The following CREB3L2 variants were observed in gnomAD, a reference collection of about 807,000 sequenced individuals.
CREB3L2 encodes the protein cyclic AMP-responsive element-binding protein 3-like protein 2.
In CREB3L2, 23 loss-of-function variants were observed where a neutral mutation model predicts 57.2. That is an observed-to-expected ratio of 0.40 (90% CI 0.29 to 0.57). CREB3L2 has a LOEUF of 0.57. Among genes scored for constraint, CREB3L2 ranks in the 20% least tolerant of loss-of-function variants. The pLI is 0.42. For synonymous variants in CREB3L2, 268 were observed against 265.1 expected, an observed-to-expected ratio of 1.01 and a Z score of -0.11; for missense variants, 628 against 634.7, an observed-to-expected ratio of 0.99 and a Z score of 0.11.
At chr7:137,894,291 C>T (rs902792529) in intron 8 of CREB3L2, among the ~76,000 whole-genome samples, 1 of 152,206 alleles carries the variant, frequency 6.6e-6, no homozygotes, top group Non-Finnish European at 1.5e-5. Flanking sequence ...CCGGATCTGT[C>T]CTGGCACCTG....
At chr7:137,968,793 A>G (rs1801452322) in intron 1 of CREB3L2, among the ~76,000 whole-genome samples, 1 of 152,178 alleles carries the variant, frequency 6.6e-6, no homozygotes, top group Admixed American at 6.5e-5. Flanking sequence ...ATCCCAACTC[A>G]TAAATGAATC....
intron 1 of CREB3L2, among the ~76,000 whole-genome samples, chr7:137,982,207 A>G (rs140756992): frequency 1.3e-5 from 2 of 152,332 alleles, no homozygotes; most frequent in East Asian, 3.9e-4. Context: ...ACAATGCCCT[A>G]AAGAGCATTT....
In CREB3L2 at chr7:138,001,707, G is replaced by T; in HGVS notation, c.-2C>A. Reference sequence around the variant, plus strand: ...CTCCCCGCTCTCCAGCACCTCCATGGCGGTGCGGGCCGCGCTGGGCCGAGG... The same window carrying T: ...CTCCCCGCTCTCCAGCACCTCCATGTCGGTGCGGGCCGCGCTGGGCCGAGG... On this transcript the variant is annotated 5_prime_UTR_variant, in exon 1 of 12. Transcript: ENST00000330387. The surrounding 1 kb of genome is among the most constrained non-coding windows in gnomAD (Gnocchi z 4.2). 3 of 1,606,912 alleles carry T rather than the reference G, an allele frequency of 1.9e-6. No homozygotes were observed. The highest frequency in any genetic ancestry group is 2.5e-6 in the Non-Finnish European group (3 of 1,178,060).
intron 2 of CREB3L2, among the ~76,000 whole-genome samples, chr7:137,927,467 AAAG>A (rs1800499375): frequency 1.3e-5 from 2 of 151,988 alleles, no homozygotes; most frequent in South Asian, 4.2e-4. Context: ...GAGAAAAAGA[AAAG>A]AAGAAAAGAA....
rs1320425749 is a variant in CREB3L2 at position 137,877,609 on chromosome 7, A to G, written c.*2867T>C. 4.4e-6 allele frequency: 1 copy of G among 226,178 alleles called. No homozygotes were observed. Among genetic ancestry groups the G allele is most frequent in the African/African-American group, 2.2e-5 (1 of 44,944 alleles). 14.0% of individuals were successfully genotyped at this position (226,178 alleles called of 1,614,324 possible). ...ATCTCCTTCACTGGTGCAATCTAAG[A>G]AAGGGAAATGGGAAACTTGTTTACA... On this transcript the variant is annotated 3_prime_UTR_variant, in exon 12 of 12. Coordinates refer to ENST00000330387, the MANE Select transcript of CREB3L2 (RefSeq NM_194071.4).
chr7:137,946,492 C>T (rs1585649203), intron 1 of CREB3L2, among the ~76,000 whole-genome samples: 1 of 151,318 alleles, frequency 6.6e-6, no homozygotes, highest in East Asian at 1.9e-4. Flanking sequence ...GGACCTTGAG[C>T]CTCAAATGAG....
Position 137,901,887 on chromosome 7 carries a change from A to AAAAAAG in CREB3L2, c.975-471_975-466dup, listed in dbSNP as rs1554495248. 8.1e-5 allele frequency among the ~76,000 whole-genome samples: 12 copies of AAAAAAG among 148,938 alleles called. 1 individual carries two copies. The East Asian group carries it at 1.2e-3, about 15-fold the overall frequency. On this transcript the variant is annotated intron_variant, in intron 7 of 11. Coordinates refer to ENST00000330387, the MANE Select transcript of CREB3L2 (RefSeq NM_194071.4). The stretch of plus-strand genomic sequence containing the variant: ...CAAGATCTGTCTCAAAAAAAAAAAA[A>AAAAAAG]AAAAAGAAAAATAGAAGGAGCTGGG...
chr7:137,896,753 G>A (rs1585601193), intron 8 of CREB3L2, among the ~76,000 whole-genome samples: 2 of 152,192 alleles, frequency 1.3e-5, no homozygotes, highest in African/African-American at 4.8e-5. Context: ...AAGACACACA[G>A]AGCCACTGCG....
chr7:137,968,409 G>A (rs1488741511), intron 1 of CREB3L2, among the ~76,000 whole-genome samples: 3 of 150,554 alleles, frequency 2.0e-5, no homozygotes, highest in Non-Finnish European at 3.0e-5. Flanking sequence ...CCCTCCCTTT[G>A]TCCATGTGTT....
chr7:137,978,777 G>A (rs1226832274), intron 1 of CREB3L2, among the ~76,000 whole-genome samples: 1 of 152,194 alleles, frequency 6.6e-6, no homozygotes, highest in Non-Finnish European at 1.5e-5. Context: ...CACAAAGTTT[G>A]TGTTCTTCCA....
At chr7:137,968,815 C>T (rs1801452542) in intron 1 of CREB3L2, among the ~76,000 whole-genome samples, 1 of 152,164 alleles carries the variant, frequency 6.6e-6, no homozygotes, top group Non-Finnish European at 1.5e-5. Context: ...AATTTGGTGG[C>T]TCCCACCTTC....
rs33944427 is a variant in CREB3L2 at position 137,989,432 on chromosome 7, GT to G, written c.102+12171del. Reference sequence around the variant, plus strand: ...ATGGAATTTTCCTGGCTTTTCTCCAGTTTTTTTTTTTTTTTTTTTGATGATT... The same window carrying G: ...ATGGAATTTTCCTGGCTTTTCTCCAGTTTTTTTTTTTTTTTTTTGATGATT... On this transcript the variant is annotated intron_variant, in intron 1 of 11. Transcript: ENST00000330387. Among the ~76,000 whole-genome samples, 642 of 106,008 alleles carry G rather than the reference GT, an allele frequency of 6.1e-3. 6 individuals are homozygous for G. Among genetic ancestry groups the G allele is most frequent in the African/African-American group, 0.022 (590 of 26,796 alleles). The allele number at this position is 106,008 out of a possible 152,430, so 69.5% of individuals were successfully genotyped here. A position where few individuals can be genotyped will look rare whatever the true frequency, so the allele number is the denominator to read the frequency against.
intron 2 of CREB3L2, among the ~76,000 whole-genome samples, 173 bp from the exon 3 acceptor site, chr7:137,916,185 A>G (rs1477243932): frequency 6.6e-6 from 1 of 152,164 alleles, no homozygotes; most frequent in Non-Finnish European, 1.5e-5. Flanking sequence ...AACAGCAAAG[A>G]AAGAATCTAT....
intron 1 of CREB3L2, among the ~76,000 whole-genome samples, chr7:137,961,381 T>C (rs901080270): frequency 1.3e-5 from 2 of 152,132 alleles, no homozygotes; most frequent in Non-Finnish European, 2.9e-5. Context: ...GCCCTCCCCC[T>C]GCACAGTCAA....
At chr7:137,912,459 C>T (rs1325122157) in intron 4 of CREB3L2, among the ~76,000 whole-genome samples, 2 of 151,686 alleles carry the variant, frequency 1.3e-5, no homozygotes, top group Non-Finnish European at 2.9e-5. Context: ...AAAAGATGCA[C>T]AATTGTGAAC....
At chr7:137,949,336 T>C (rs1208591247) in intron 1 of CREB3L2, among the ~76,000 whole-genome samples, 5 of 152,154 alleles carry the variant, frequency 3.3e-5, no homozygotes, top group African/African-American at 9.7e-5. Context: ...AGAAACTGTG[T>C]CGTTGTAAGG....
At position 137,929,959 on chromosome 7, in the gene CREB3L2, G is replaced by A. The variant is rs976365330; in HGVS notation, c.103-1593C>T. ...GTCGCCCAGGCTGGAGTGCAATGGC[G>A]CGATCTCCACTGCAAGCTCCGCCTC... On this transcript the variant is annotated intron_variant, in intron 1 of 11. Coordinates refer to ENST00000330387, the MANE Select transcript of CREB3L2 (RefSeq NM_194071.4). Among the ~76,000 whole-genome samples the A allele has an allele frequency of 1.5e-4, 23 of 150,894 alleles. No individual in the cohort carries two copies. In the East Asian group the frequency reaches 2.6e-3, roughly 17 times the overall value.
At chr7:137,957,589 C>T in intron 1 of CREB3L2, 1 of 374,744 alleles carries the variant, frequency 2.7e-6, no homozygotes, top group South Asian at 2.2e-5. Context: ...AACTCAACAA[C>T]TAGGCCCAGC....
In CREB3L2 at chr7:137,992,583, T is replaced by G. The variant is rs149120181; in HGVS notation, c.102+9021A>C. Among the ~76,000 whole-genome samples, 963 of 152,290 alleles carry G rather than the reference T, an allele frequency of 6.3e-3. 8 individuals carry two copies. The highest frequency in any genetic ancestry group is 0.022 in the African/African-American group (920 of 41,552). On this transcript the variant is annotated intron_variant, in intron 1 of 11. Transcript: ENST00000330387. ...TTGAGTCAAACTCCAAAGATCTGCT[T>G]TTCGTCAAAAGACAAATAACAAGTA...
Sources: allele counts gnomAD v4.1 joint callset (sites outside exome capture counted in the v4.1 genomes callset), GRCh38; gene constraint gnomAD v4.1.1; non-coding constraint Gnocchi (gnomAD v3.1); transcripts MANE v1.5; gene names NCBI Gene and HGNC (gene_info 2026-07-23, HGNC 2026-07-21).